EIF2AK3: variants seen among roughly 807,000 people sequenced by gnomAD.
The protein encoded by EIF2AK3 is eukaryotic translation initiation factor 2-alpha kinase 3.
A neutral mutation model predicts 113.5 loss-of-function variants in EIF2AK3; 50 were observed. That is an observed-to-expected ratio of 0.44 (90% CI 0.35 to 0.56). The LOEUF (loss-of-function observed/expected upper bound fraction) is 0.56. Among genes scored for constraint, EIF2AK3 ranks in the 20% least tolerant of loss-of-function variants. The pLI is 0.00. For missense variants in EIF2AK3, 1,185 were observed against 1,378.0 expected (o/e 0.86, Z 2.22); for synonymous variants, 448 against 495.4 (o/e 0.90, Z 1.27).
rs561679101 is a variant in EIF2AK3 at position 88,586,123 on chromosome 2, C to G, written c.1430-62G>C. 5.4e-5 allele frequency: 71 copies of G among 1,319,452 alleles called. 1 individual carries two copies. The African/African-American group carries it at 8.9e-4, about 17-fold the overall frequency. The allele number at this position is 1,319,452 out of a possible 1,614,324, so 81.7% of individuals were successfully genotyped here. ...TAATCAAAAATAGGCCCGTCTTTAA[C>G]TATTAAAATTTATCCATTTTCCTGT... On this transcript the variant is annotated intron_variant, in intron 8 of 16. Transcript: ENST00000303236.
intron 1 of EIF2AK3, among the ~76,000 whole-genome samples, chr2:88,623,475 T>C (rs183937126): frequency 1.6e-3 from 241 of 152,346 alleles, no homozygotes; most frequent in South Asian, 7.2e-3. Flanking sequence ...ATCAATGAAC[T>C]GGTGAATCTC....
At chr2:88,587,202 C>A (rs1171277763) in intron 8 of EIF2AK3, among the ~76,000 whole-genome samples, 8 of 66,986 alleles carry the variant, frequency 1.2e-4, no homozygotes, top group East Asian at 5.0e-4. Context: ...GAAACTCCAT[C>A]TCAAAAAAAA....
chr2:88,596,688 C>T (rs115754256), intron 2 of EIF2AK3, among the ~76,000 whole-genome samples: 1 of 152,164 alleles, frequency 6.6e-6, no homozygotes, highest in Non-Finnish European at 1.5e-5. Context: ...AGTGAACAGG[C>T]TGAGAGGCAA....
intron 2 of EIF2AK3, among the ~76,000 whole-genome samples, chr2:88,606,277 A>C (rs1462365393): frequency 6.6e-6 from 1 of 151,618 alleles, no homozygotes; most frequent in Non-Finnish European, 1.5e-5. Context: ...GACATAAACA[A>C]TGTACATGAA....
chr2:88,577,985 T>G (rs1363585532), intron 11 of EIF2AK3, among the ~76,000 whole-genome samples: 1 of 152,208 alleles, frequency 6.6e-6, no homozygotes, highest in African/African-American at 2.4e-5. Context: ...GTCAAAATCT[T>G]TCTTGCATTG....
intron 8 of EIF2AK3, 39 bp downstream of exon 8, chr2:88,587,943 T>TA: frequency 7.3e-7 from 1 of 1,373,088 alleles, no homozygotes; most frequent in African/African-American, 1.5e-5. Flanking sequence ...AATTTCAAAT[T>TA]AAAAAATAAA....
intron 2 of EIF2AK3, among the ~76,000 whole-genome samples, chr2:88,597,804 G>T (rs1675055063): frequency 6.6e-6 from 1 of 152,016 alleles, no homozygotes; most frequent in South Asian, 2.1e-4. Flanking sequence ...TATAATCCGA[G>T]ACACCGTGAT....
intron 2 of EIF2AK3, among the ~76,000 whole-genome samples, chr2:88,602,519 G>C (rs1374051257): frequency 6.6e-6 from 1 of 152,152 alleles, no homozygotes; most frequent in African/African-American, 2.4e-5. Context: ...TGAAGAAAGA[G>C]AGTGTAAAAC....
At chr2:88,587,337 C>T (rs1322611824) in intron 8 of EIF2AK3, among the ~76,000 whole-genome samples, 4 of 150,706 alleles carry the variant, frequency 2.7e-5, no homozygotes, top group African/African-American at 4.9e-5. Context: ...GAGTCGTCTA[C>T]GTGTTTACCT....
At chr2:88,579,384 C>T in intron 11 of EIF2AK3, 134 bp downstream of exon 11, 1 of 1,238,964 alleles carries the variant, frequency 8.1e-7, no homozygotes, top group African/African-American at 1.5e-5. Flanking sequence ...ATTGGCAGCA[C>T]TTAGAACCTA....
chr2:88,586,595 C>CTT lies in EIF2AK3; in HGVS notation c.1430-536_1430-535dup, dbSNP rs533167763. The stretch of plus-strand genomic sequence containing the variant: ...ACTACACAGTTCTCTTTTATCTTGC[C>CTT]TTTTTTTTTTTTTTTTTTTGAGACA... On this transcript the variant is annotated intron_variant, in intron 8 of 16. Transcript: ENST00000303236. Among the ~76,000 whole-genome samples the CTT allele has an allele frequency of 4.0e-4, 48 of 119,918 alleles. 1 individual carries two copies. The highest frequency in any genetic ancestry group is 4.7e-4 in the East Asian group (2 of 4,250). The allele number at this position is 119,918 out of a possible 152,430, so 78.7% of individuals were successfully genotyped here. A position where few individuals can be genotyped will look rare whatever the true frequency, so the allele number is the denominator to read the frequency against.
intron 15 of EIF2AK3, among the ~76,000 whole-genome samples, chr2:88,559,540 GTGTA>G (rs1181690260): frequency 6.6e-6 from 1 of 150,492 alleles, no homozygotes; most frequent in South Asian, 2.1e-4. Context: ...GTGTGTGTGT[GTGTA>G]TGTACATTTA....
intron 15 of EIF2AK3, among the ~76,000 whole-genome samples, chr2:88,561,401 A>G (rs555352504): frequency 2.0e-5 from 3 of 151,828 alleles, no homozygotes; most frequent in Admixed American, 6.6e-5. Context: ...AGCTGGGACT[A>G]CAGGCACGTG....
intron 4 of EIF2AK3, 59 bp from the exon 5 acceptor site, chr2:88,591,111 A>G (rs1674879138): frequency 1.4e-5 from 20 of 1,429,404 alleles, no homozygotes; most frequent in Non-Finnish European, 1.8e-5. Flanking sequence ...ACAAAATAAT[A>G]TAGAACTCTT....
At chr2:88,583,858 CTAGAGTGATTTCTTTTGACAAAA>C (rs1243146399) in intron 9 of EIF2AK3, among the ~76,000 whole-genome samples, 2 of 151,804 alleles carry the variant, frequency 1.3e-5, no homozygotes, top group Non-Finnish European at 2.9e-5. Flanking sequence ...CTGGGCAAGA[CTAGAGTGATTTCTTTTGACAAAA>C]TAAGGTAGGG....
intron 1 of EIF2AK3, among the ~76,000 whole-genome samples, chr2:88,623,698 CTTTT>C (rs894151642): frequency 6.6e-6 from 1 of 152,084 alleles, no homozygotes; most frequent in Non-Finnish European, 1.5e-5. Flanking sequence ...GGGTTTTTAT[CTTTT>C]TTTAAGAGCA....
At position 88,583,444 on chromosome 2, in the gene EIF2AK3, A is replaced by G. The variant is rs758284517; in HGVS notation, c.1749T>C (p.Ser583=). Residue 583 remains serine (S), a synonymous_variant, in exon 10 of 17, where the codon TCT becomes TCC. Coordinates refer to ENST00000303236, the MANE Select transcript of EIF2AK3 (RefSeq NM_004836.7). ...NDSSWNDIKN[S]GYISRYLTDF... ...AAGACTCTTACCGTGATATATATCC[A>G]GAGTTTTTTATGTCATTCCAGCTAC... 3 of 1,611,918 alleles carry G rather than the reference A, an allele frequency of 1.9e-6. No homozygotes were observed. Among genetic ancestry groups the G allele is most frequent in the Non-Finnish European group, 2.5e-6 (3 of 1,178,510 alleles).
chr2:88,590,825 T>G lies in EIF2AK3; in HGVS notation c.995A>C (p.Glu332Ala). 2 of 1,613,970 alleles carry G rather than the reference T, an allele frequency of 1.2e-6. No individual in the cohort carries two copies. The highest frequency in any genetic ancestry group is 1.7e-6 in the Non-Finnish European group (2 of 1,179,868). Residue 332 changes from glutamate to alanine, a missense_variant, in exon 5 of 17, where the codon GAG (glutamate) becomes GCG (alanine). Glu to Ala is a moderately radical substitution (Grantham distance 107). Around this residue, in one of 3 missense-constraint regions of EIF2AK3, gnomAD observed 877 missense variants for 1,024.2 expected, o/e 0.86. Transcript: ENST00000303236. ...CTCAGTGGTGTTAGGTACCTGGTAC[T>G]CCCATTCCAGATGTCCTCCCTTCTT... ...FSKKGGHLEW[E>A]YQFCTPIASA...
At chr2:88,565,092 A>G (rs939533463) in intron 14 of EIF2AK3, among the ~76,000 whole-genome samples, 6 of 149,302 alleles carry the variant, frequency 4.0e-5, no homozygotes, top group Admixed American at 2.0e-4. Flanking sequence ...GCTGGAGTGC[A>G]ATGGCAAGAT....
Sources: allele counts gnomAD v4.1 joint callset (sites outside exome capture counted in the v4.1 genomes callset), GRCh38; gene constraint gnomAD v4.1.1; regional missense constraint gnomAD v4.1.1; transcripts MANE v1.5; gene names NCBI Gene and HGNC (gene_info 2026-07-23, HGNC 2026-07-21).